KCNJ14: variants seen among roughly 807,000 people sequenced by gnomAD.
KCNJ14 encodes the protein potassium inwardly rectifying channel subfamily J member 14.
Under a neutral mutation model 24.5 loss-of-function variants are expected in KCNJ14, and 18 were observed. The ratio of observed to expected loss-of-function variants is 0.74; its 90% CI spans 0.51 to 1.09. The LOEUF (loss-of-function observed/expected upper bound fraction) is 1.09, where lower values mean the gene tolerates loss of function less well. Ranked by LOEUF, KCNJ14 falls within the 50% of genes least tolerant of loss-of-function variation. The pLI is 0.00. For missense variants in KCNJ14, 633 were observed against 623.0 expected (o/e 1.02, Z -0.17); for synonymous variants, 288 against 270.8 (o/e 1.06, Z -0.63).
rs1269082904 is a variant in KCNJ14 at position 48,462,210 on chromosome 19, TGTGGCCGCC to T, written c.491_499del (p.Ala164_Val166del). The T allele has an allele frequency of 3.2e-6, 5 of 1,553,676 alleles. No homozygotes were observed. The highest frequency in any genetic ancestry group is 4.4e-6 in the Non-Finnish European group (5 of 1,149,046). On this transcript the variant is annotated inframe_deletion, in exon 2 of 3. Coordinates refer to ENST00000342291, the MANE Select transcript of KCNJ14 (RefSeq NM_013348.4). The surrounding 1 kb of genome is among the most constrained non-coding windows in gnomAD (Gnocchi z 4.9). ...GCGTCACCGAGGAGTGCCCGGCCGC[TGTGGCCGCC>T]GTGGTGCTGCAGTGCATTGCCGGCT... is the stretch of plus-strand genomic sequence containing the variant.
chr19:48,458,201 T>C (rs1569082386), intron 1 of KCNJ14, among the ~76,000 whole-genome samples: 1 of 152,194 alleles, frequency 6.6e-6, no homozygotes, highest in African/African-American at 2.4e-5. Flanking sequence ...CTTGGGTACA[T>C]AAGTAGGAGT....
At position 48,464,540 on chromosome 19, in the gene KCNJ14, AC is replaced by A; in HGVS notation, c.1076del (p.Pro359ArgfsTer27). ...ATCGCACTTATGAGGTCCCAGGGAC[AC>A]CGGTCTGCAGTGCTAAGGAGCTGGA... ...FHRTYEVPGT[P>X]VCSAKELDER... On this transcript the variant is annotated frameshift_variant, in exon 3 of 3. Transcript: ENST00000342291. LOFTEE classifies it high-confidence loss of function. 1.2e-6 allele frequency: 2 copies of A among 1,614,086 alleles called. No homozygotes were observed. The highest frequency in any genetic ancestry group is 8.5e-7 in the Non-Finnish European group (1 of 1,180,016).
chr19:48,461,583 C>A (rs765570664), intron 1 of KCNJ14, 87 bp from the exon 2 acceptor site: 20 of 446,206 alleles, frequency 4.5e-5, no homozygotes, highest in Non-Finnish European at 3.1e-5. Context: ...ACAGATGAGG[C>A]CACTAAGCCC....
rs754599672 is a variant in KCNJ14, at chr19:48,464,518, G to A, written c.1052G>A (p.Arg351His). ...GAGGTCGACTATCGCCACTTCCATCGCACTTATGAGGTCCCAGGGACACCG... is the reference window on the plus strand; with the variant it reads ...GAGGTCGACTATCGCCACTTCCATCACACTTATGAGGTCCCAGGGACACCG... ...QYEVDYRHFH[R>H]TYEVPGTPVC... The change falls in exon 3 of 3, where the codon CGC (arginine) becomes CAC (histidine). Residue 351 changes from arginine (R) to histidine (H), a missense_variant. By Grantham distance (29) the Arg-to-His change is conservative. Transcript: ENST00000342291. The A allele has an allele frequency of 3.3e-5, 53 of 1,614,014 alleles. No individual in the cohort carries two copies. The South Asian group carries it at 3.6e-4, about 11-fold the overall frequency.
In KCNJ14 at chr19:48,464,796, T is replaced by G; in HGVS notation, c.*19T>G. 6.5e-7 allele frequency: 1 copy of G among 1,542,484 alleles called. No individual in the cohort carries two copies. The highest frequency in any genetic ancestry group is 1.1e-5 in the South Asian group (1 of 89,350). ...TCCATGATGCAAACTGATGTCCCCTTCCCCGTGTATGCCCCCTTCCCCAAG... is the reference window on the plus strand; with the variant it reads ...TCCATGATGCAAACTGATGTCCCCTGCCCCGTGTATGCCCCCTTCCCCAAG... On this transcript the variant is annotated 3_prime_UTR_variant, in exon 3 of 3. Transcript: ENST00000342291.
At chr19:48,456,116 T>A (rs1971536715) in intron 1 of KCNJ14, 1 of 152,254 alleles carries the variant, frequency 6.6e-6, no homozygotes, top group Non-Finnish European at 1.5e-5. Context: ...GGTCCCTTCA[T>A]CAAAGGGCTT....
At position 48,466,606 on chromosome 19, in the gene KCNJ14, A is replaced by G. The variant is rs1971656536; in HGVS notation, c.*1829A>G. 6.6e-6 allele frequency: 1 copy of G among 152,046 alleles called. No individual in the cohort carries two copies. The highest frequency in any genetic ancestry group is 2.4e-5 in the African/African-American group (1 of 41,372). 9.4% of individuals were successfully genotyped at this position (152,046 alleles called of 1,614,324 possible). A position where few individuals can be genotyped will look rare whatever the true frequency, so the allele number is the denominator to read the frequency against. ...GACTCCTCTTCATGTCAGTTTCCCC[A>G]TCTGTAAAAACGGGATATTGGAACT... On this transcript the variant is annotated 3_prime_UTR_variant, in exon 3 of 3. Coordinates refer to ENST00000342291, the MANE Select transcript of KCNJ14 (RefSeq NM_013348.4).
At chr19:48,459,431 G>C (rs1971571318) in intron 1 of KCNJ14, among the ~76,000 whole-genome samples, 1 of 152,012 alleles carries the variant, frequency 6.6e-6, no homozygotes, top group Admixed American at 6.5e-5. Flanking sequence ...GTCTTGCTCT[G>C]TCGCCCAGGC....
chr19:48,462,182 G>A lies in KCNJ14; in HGVS notation c.458G>A (p.Arg153His), dbSNP rs1452767966. The A allele has an allele frequency of 5.8e-6, 9 of 1,563,658 alleles. No individual in the cohort carries two copies. In the South Asian group the frequency reaches 5.8e-5, roughly 10 times the overall value. ...CAGACGTCCATCGGCTACGGCGTGC[G>A]CAGCGTCACCGAGGAGTGCCCGGCC... ...ETQTSIGYGV[R>H]SVTEECPAAV... is the part of the protein sequence containing the mutation. Residue 153 changes from arginine to histidine, a missense_variant, in exon 2 of 3, where the codon CGC becomes CAC. Arg to His is a conservative substitution (Grantham distance 29). Coordinates refer to ENST00000342291, the MANE Select transcript of KCNJ14 (RefSeq NM_013348.4). This position sits in a 1 kb window ranked among gnomAD's most constrained non-coding sequence, Gnocchi z 4.9.
At chr19:48,460,244 AT>A (rs201619878) in intron 1 of KCNJ14, among the ~76,000 whole-genome samples, 1 of 145,940 alleles carries the variant, frequency 6.9e-6, no homozygotes, top group Non-Finnish European at 1.5e-5. Context: ...GGGAAGTTTT[AT>A]TTATTTATTT....
intron 1 of KCNJ14, among the ~76,000 whole-genome samples, chr19:48,458,443 T>C (rs1272512012): frequency 6.6e-6 from 1 of 152,236 alleles, no homozygotes; most frequent in Non-Finnish European, 1.5e-5. Flanking sequence ...ATGTTGAGCA[T>C]CTTTTCATAT....
At chr19:48,456,543 G>A (rs1404421464) in intron 1 of KCNJ14, 1 of 152,228 alleles carries the variant, frequency 6.6e-6, no homozygotes, top group Non-Finnish European at 1.5e-5. Flanking sequence ...AGGGCTTTGG[G>A]AGACCCAGTT....
At chr19:48,461,551 T>TAAAAAAAAAAAAGG in intron 1 of KCNJ14, 119 bp from the exon 2 acceptor site, 1 of 308,862 alleles carries the variant, frequency 3.2e-6, no homozygotes, top group Middle Eastern at 9.4e-4. Context: ...AAAAAAAAAA[T>TAAAAAAAAAAAAGG]GCGTATCGTT....
At chr19:48,458,049 G>T (rs2147491091) in intron 1 of KCNJ14, among the ~76,000 whole-genome samples, 1 of 152,204 alleles carries the variant, frequency 6.6e-6, no homozygotes, top group South Asian at 2.1e-4. Flanking sequence ...TCTCTTTATT[G>T]TCAAATACTA....
rs760763071 is a variant in KCNJ14, at chr19:48,464,991, C to G, written c.*214C>G. 11 of 562,362 alleles carry G rather than the reference C, an allele frequency of 2.0e-5. No individual in the cohort carries two copies. Among genetic ancestry groups the G allele is most frequent in the Non-Finnish European group, 3.2e-5 (10 of 315,392 alleles). The allele number at this position is 562,362 out of a possible 1,614,324, so 34.8% of individuals were successfully genotyped here. On this transcript the variant is annotated 3_prime_UTR_variant, in exon 3 of 3. Coordinates refer to ENST00000342291, the MANE Select transcript of KCNJ14 (RefSeq NM_013348.4). ...TGCTTCTGTGCTCCCTCCTGAGAAC[C>G]CTTTATGAGCCTGATTCCTCAGTCT... is the stretch of plus-strand genomic sequence containing the variant.
chr19:48,464,617 C>G lies in KCNJ14; in HGVS notation c.1151C>G (p.Ser384Cys). 6.2e-7 allele frequency: 1 copy of G among 1,614,152 alleles called. No homozygotes were observed. The highest frequency in any genetic ancestry group is 8.5e-7 in the Non-Finnish European group (1 of 1,180,024). The part of the protein sequence containing the change: ...SHSLKSSFPG[S>C]LTAFCYENEL... ...AGCCTCAAGTCTAGTTTCCCCGGCT[C>G]TCTGACTGCATTTTGTTATGAGAAT... Residue 384 changes from serine (S) to cysteine (C), a missense_variant, in exon 3 of 3, where the codon TCT (serine) becomes TGT (cysteine). Ser to Cys is a moderately radical substitution (Grantham distance 112). Coordinates refer to ENST00000342291, the MANE Select transcript of KCNJ14 (RefSeq NM_013348.4).
chr19:48,458,028 G>A lies in KCNJ14; in HGVS notation c.-56+2170G>A, dbSNP rs189866233. ...GTTTATCCATGTTGTTGCATCTATC[G>A]ATACTTCATTTCTCTTTATTGTCAA... On this transcript the variant is annotated intron_variant, in intron 1 of 2. Coordinates refer to ENST00000342291, the MANE Select transcript of KCNJ14 (RefSeq NM_013348.4). Among the ~76,000 whole-genome samples the A allele has an allele frequency of 1.6e-4, 24 of 152,256 alleles. No individual in the cohort carries two copies. The East Asian group carries it at 2.9e-3, about 18-fold the overall frequency.
Position 48,465,518 on chromosome 19 carries a change from T to A in KCNJ14, c.*741T>A, listed in dbSNP as rs978192034. The A allele has an allele frequency of 6.6e-6, 1 of 152,362 alleles. No individual in the cohort carries two copies. The highest frequency in any genetic ancestry group is 2.4e-5 in the African/African-American group (1 of 41,430). 9.4% of individuals were successfully genotyped at this position (152,362 alleles called of 1,614,324 possible). Reference sequence around the variant, plus strand: ...GTCTGTGGGTTTAGAAAGACTGAAGTGACAGATTAAGAGTTCTTGATATTA... The same window carrying A: ...GTCTGTGGGTTTAGAAAGACTGAAGAGACAGATTAAGAGTTCTTGATATTA... On this transcript the variant is annotated 3_prime_UTR_variant, in exon 3 of 3. Transcript: ENST00000342291.
At position 48,462,874 on chromosome 19, in the gene KCNJ14, A is replaced by G. The variant is rs1971616719; in HGVS notation, c.714+436A>G. On this transcript the variant is annotated intron_variant, in intron 2 of 2. Transcript: ENST00000342291. The surrounding 1 kb of genome is among the most constrained non-coding windows in gnomAD (Gnocchi z 4.9). ...CTCGGGTGTACAATTCCCACTGGAC[A>G]CTGTGGCACAGTCGGAGGCCTGTGA... Among the ~76,000 whole-genome samples the G allele has an allele frequency of 6.6e-6, 1 of 152,082 alleles. No individual in the cohort carries two copies. Among genetic ancestry groups the G allele is most frequent in the Non-Finnish European group, 1.5e-5 (1 of 67,996 alleles).
Sources: gnomAD v4.1 joint callset for allele counts (sites outside exome capture counted in the v4.1 genomes callset) on GRCh38, gnomAD v4.1.1 for gene constraint, Gnocchi (gnomAD v3.1) non-coding constraint, MANE v1.5 for transcripts, NCBI Gene and HGNC (gene_info 2026-07-23, HGNC 2026-07-21) for gene names.